The following TMEM184B variants were observed in gnomAD, a reference collection of about 807,000 sequenced individuals.
The protein encoded by TMEM184B is putative MAPK-activating protein FM08.
TMEM184B carries 17 observed loss-of-function variants against 41.8 expected under a neutral mutation model. That is an observed-to-expected ratio of 0.41 (90% CI 0.28 to 0.61). The LOEUF is 0.61. Ranked by LOEUF, TMEM184B falls within the 20% of genes least tolerant of loss-of-function variation. TMEM184B has a pLI of 0.34. For missense variants in TMEM184B, 393 were observed against 557.8 expected (o/e 0.70, Z 2.98); for synonymous variants, 240 against 229.5 (o/e 1.05, Z -0.41).
chr22:38,236,663 G>GT (rs1275481380), intron 3 of TMEM184B, among the ~76,000 whole-genome samples: 2 of 151,668 alleles, frequency 1.3e-5, no homozygotes, highest in South Asian at 2.1e-4. Flanking sequence ...TGTGTTTTTT[G>GT]TTTTTTTGTA....
chr22:38,233,747 AT>A (rs67986725), intron 3 of TMEM184B, among the ~76,000 whole-genome samples: 1 of 151,196 alleles, frequency 6.6e-6, no homozygotes, highest in Admixed American at 6.6e-5. Flanking sequence ...TGATGGTTGT[AT>A]TTTTTTTTGT....
intron 1 of TMEM184B, among the ~76,000 whole-genome samples, chr22:38,259,198 C>T (rs1373962517): frequency 6.6e-6 from 1 of 152,220 alleles, no homozygotes; most frequent in Non-Finnish European, 1.5e-5. Context: ...CACCCAGATT[C>T]TATCGTCAGA....
At chr22:38,229,033 G>C (rs576647328) in intron 5 of TMEM184B, among the ~76,000 whole-genome samples, 72 of 152,356 alleles carry the variant, frequency 4.7e-4, no homozygotes, top group African/African-American at 1.6e-3. Context: ...TCTGAATTTA[G>C]GAACATGCTA....
At chr22:38,248,834 C>T (rs2092098967) in intron 1 of TMEM184B, among the ~76,000 whole-genome samples, 1 of 152,216 alleles carries the variant, frequency 6.6e-6, no homozygotes, top group Non-Finnish European at 1.5e-5. Flanking sequence ...CTGCTGAGGC[C>T]TCCTCCGAGG....
chr22:38,257,387 G>A (rs1350595168), intron 1 of TMEM184B, among the ~76,000 whole-genome samples: 1 of 152,134 alleles, frequency 6.6e-6, no homozygotes, highest in Non-Finnish European at 1.5e-5. Context: ...CTCAGTGGAC[G>A]GGATGGAAAA....
chr22:38,254,856 T>C (rs969043934), intron 1 of TMEM184B, among the ~76,000 whole-genome samples: 1 of 149,842 alleles, frequency 6.7e-6, no homozygotes, highest in African/African-American at 2.4e-5. Flanking sequence ...ACTTTCTTTT[T>C]TTTTTTTTTT....
In TMEM184B at chr22:38,272,594, C is replaced by T. The variant is rs940689311; in HGVS notation, c.-59+290G>A. The T allele has an allele frequency of 3.0e-6, 3 of 985,484 alleles. No homozygotes were observed. The African/African-American group carries it at 5.2e-5, about 17-fold the overall frequency. 61.0% of individuals were successfully genotyped at this position (985,484 alleles called of 1,614,324 possible). ...CCGCCTCCCTCTCCCGGGGCCGCCC[C>T]CCGGACAGGTCCGATTACACTCCAG... On this transcript the variant is annotated intron_variant, in intron 1 of 8. Transcript: ENST00000361906.
At chr22:38,267,041 C>T (rs1394858262) in intron 1 of TMEM184B, among the ~76,000 whole-genome samples, 1 of 151,412 alleles carries the variant, frequency 6.6e-6, no homozygotes, top group Non-Finnish European at 1.5e-5. Context: ...CGAAATCGCA[C>T]CACTGCACTG....
rs1156840112 is a variant in TMEM184B, at chr22:38,226,439, G to A, written c.617+340C>T. ...GGGTGTGGACAATTTACACAGCACG[G>A]GCTTTGTATCTGTGGACTTGAGCCG... is the stretch of plus-strand genomic sequence containing the variant. On this transcript the variant is annotated intron_variant, in intron 6 of 8. Coordinates refer to ENST00000361906, the MANE Select transcript of TMEM184B (RefSeq NM_012264.5). The surrounding 1 kb of genome is among the most constrained non-coding windows in gnomAD (Gnocchi z 4.6). 3.5e-6 allele frequency: 1 copy of A among 282,234 alleles called. No individual in the cohort carries two copies. Among genetic ancestry groups the A allele is most frequent in the African/African-American group, 2.2e-5 (1 of 46,446 alleles). The allele number at this position is 282,234 out of a possible 1,614,324, so 17.5% of individuals were successfully genotyped here.
chr22:38,246,116 T>G lies in TMEM184B; in HGVS notation c.193-16A>C, dbSNP rs140129633. ...GCATGTAGATCTGGGGGCAGAGGTGTGGGGTCAGCTGGGGACCCTCCTGTC... is the reference window on the plus strand; with the variant it reads ...GCATGTAGATCTGGGGGCAGAGGTGGGGGGTCAGCTGGGGACCCTCCTGTC... On this transcript the variant is annotated splice_polypyrimidine_tract_variant and intron_variant, in intron 2 of 8. Coordinates refer to ENST00000361906, the MANE Select transcript of TMEM184B (RefSeq NM_012264.5). The G allele has an allele frequency of 8.4e-4, 1,352 of 1,603,868 alleles. 13 individuals carry two copies. In the African/African-American group the frequency reaches 0.016, roughly 19 times the overall value.
chr22:38,224,660 A>C, intron 8 of TMEM184B, 125 bp downstream of exon 8: 1 of 945,164 alleles, frequency 1.1e-6, no homozygotes, highest in Non-Finnish European at 1.5e-6. Context: ...ATTCCTGCAT[A>C]TAGAGTGGGG....
At chr22:38,258,228 A>G (rs1569050946) in intron 1 of TMEM184B, among the ~76,000 whole-genome samples, 1 of 152,184 alleles carries the variant, frequency 6.6e-6, no homozygotes. Context: ...CTTAGGGAGA[A>G]AAGTCCAGGT....
At chr22:38,269,327 TCTC>T (rs542972731) in intron 1 of TMEM184B, among the ~76,000 whole-genome samples, 7 of 152,286 alleles carry the variant, frequency 4.6e-5, no homozygotes, top group Non-Finnish European at 8.8e-5. Context: ...TTAAAGCAAT[TCTC>T]CTGCCTTAGC....
At chr22:38,253,108 C>T (rs1017335792) in intron 1 of TMEM184B, among the ~76,000 whole-genome samples, 5 of 152,136 alleles carry the variant, frequency 3.3e-5, no homozygotes, top group African/African-American at 4.8e-5. Flanking sequence ...CGCCACTGCA[C>T]TCCAGCCTGG....
chr22:38,231,375 G>C (rs758352320), intron 3 of TMEM184B, 41 bp from the exon 4 acceptor site: 2 of 1,498,484 alleles, frequency 1.3e-6, no homozygotes, highest in Non-Finnish European at 9.3e-7. Context: ...CAAATCAGCA[G>C]AATGGGTCCG....
intron 1 of TMEM184B, among the ~76,000 whole-genome samples, chr22:38,259,610 C>T (rs541319579): frequency 1.3e-5 from 2 of 152,302 alleles, no homozygotes; most frequent in East Asian, 3.9e-4. Context: ...CTGGAAGAGG[C>T]AGGGAAATAA....
At chr22:38,270,662 G>T (rs1398643129) in intron 1 of TMEM184B, among the ~76,000 whole-genome samples, 1 of 152,184 alleles carries the variant, frequency 6.6e-6, no homozygotes, top group Non-Finnish European at 1.5e-5. Context: ...AGCTCTCCCA[G>T]GGGCCCAGCT....
chr22:38,263,786 G>T (rs949716626), intron 1 of TMEM184B, among the ~76,000 whole-genome samples: 2 of 152,144 alleles, frequency 1.3e-5, no homozygotes, highest in Non-Finnish European at 2.9e-5. Context: ...AATGTTGGGG[G>T]AAATATAGAA....
At position 38,220,534 on chromosome 22, in the gene TMEM184B, C is replaced by T. The variant is rs542873593; in HGVS notation, c.*935G>A. On this transcript the variant is annotated 3_prime_UTR_variant, in exon 9 of 9. Transcript: ENST00000361906. Reference sequence around the variant, plus strand: ...CGGTCTCCCTGCCGGACTGCCTTCCCCCAGAAGCTGGTCTGAAACGTGGAG... The same window carrying T: ...CGGTCTCCCTGCCGGACTGCCTTCCTCCAGAAGCTGGTCTGAAACGTGGAG... The T allele has an allele frequency of 3.0e-6, 3 of 985,980 alleles. No homozygotes were observed. In the African/African-American group the frequency reaches 5.2e-5, roughly 17 times the overall value. 61.1% of individuals were successfully genotyped at this position (985,980 alleles called of 1,614,324 possible).
Sources: allele counts gnomAD v4.1 joint callset (sites outside exome capture counted in the v4.1 genomes callset), GRCh38; gene constraint gnomAD v4.1.1; non-coding constraint Gnocchi (gnomAD v3.1); transcripts MANE v1.5; gene names NCBI Gene and HGNC (gene_info 2026-07-23, HGNC 2026-07-21).